Variants in SYN2 observed in about 807,000 individuals in gnomAD.
The protein encoded by SYN2 is synapsin-2.
In SYN2, 19 loss-of-function variants were observed where a neutral mutation model predicts 50.9. That is an observed-to-expected ratio of 0.37 (90% CI 0.26 to 0.55). SYN2 has a LOEUF of 0.55. Among genes scored for constraint, SYN2 ranks in the 20% least tolerant of loss-of-function variants. The pLI is 0.81. For missense variants in SYN2, 587 were observed against 576.4 expected (o/e 1.02, Z -0.19); for synonymous variants, 255 against 224.9 (o/e 1.13, Z -1.20).
At chr3:12,023,223 T>C (rs1189106457) in intron 1 of SYN2, among the ~76,000 whole-genome samples, 1 of 152,148 alleles carries the variant, frequency 6.6e-6, no homozygotes, top group Non-Finnish European at 1.5e-5. Flanking sequence ...ATCATTGTCA[T>C]CACCATCATG....
At chr3:12,149,187 A>G (rs1697221770) in intron 4 of SYN2, among the ~76,000 whole-genome samples, 1 of 152,044 alleles carries the variant, frequency 6.6e-6, no homozygotes. Flanking sequence ...TAACTCCCCC[A>G]CATGCTGGAA....
intron 5 of SYN2, among the ~76,000 whole-genome samples, chr3:12,155,483 C>A (rs558363208): frequency 7.9e-5 from 12 of 152,276 alleles, no homozygotes; most frequent in Middle Eastern, 3.4e-3. Flanking sequence ...TTGCCACTAT[C>A]CTGTGCAGAG....
chr3:12,182,086 A>G (rs1165798687), intron 10 of SYN2, among the ~76,000 whole-genome samples: 1 of 152,178 alleles, frequency 6.6e-6, no homozygotes, highest in South Asian at 2.1e-4. Flanking sequence ...AGTTCCGAGT[A>G]ATGAGGTTAA....
At chr3:12,162,490 A>T (rs56825463) in intron 7 of SYN2, among the ~76,000 whole-genome samples, 4,682 of 152,230 alleles carry the variant, frequency 0.031, 227 homozygotes, top group African/African-American at 0.1. Flanking sequence ...ATCTCTATGG[A>T]TTATTCTCAT....
intron 7 of SYN2, among the ~76,000 whole-genome samples, chr3:12,163,429 A>C (rs1574875873): frequency 2.9e-5 from 4 of 137,678 alleles, no homozygotes; most frequent in African/African-American, 2.8e-5. Context: ...CACTACTTAC[A>C]CTCCCCACCC....
intron 5 of SYN2, chr3:12,159,031 C>T (rs958822593): frequency 1.0e-4 from 71 of 709,320 alleles, no homozygotes; most frequent in Middle Eastern, 4.0e-4. Context: ...GAGGCTCTTC[C>T]GACCTGCATA....
At chr3:12,111,184 C>T (rs2125195276) in intron 1 of SYN2, among the ~76,000 whole-genome samples, 1 of 152,292 alleles carries the variant, frequency 6.6e-6, no homozygotes, top group East Asian at 1.9e-4. Context: ...GAATAAGTCT[C>T]ATGAGATCTG....
chr3:12,090,680 G>C (rs1042394850), intron 1 of SYN2, among the ~76,000 whole-genome samples: 1 of 152,182 alleles, frequency 6.6e-6, no homozygotes, highest in African/African-American at 2.4e-5. Flanking sequence ...AGGATAGCAG[G>C]TTATTCCTGG....
chr3:12,168,312 T>C, intron 8 of SYN2, 64 bp from the exon 9 acceptor site: 1 of 1,386,458 alleles, frequency 7.2e-7, no homozygotes, highest in Non-Finnish European at 1.0e-6. Context: ...AGAGCCTGAC[T>C]GGCAAGCAAG....
At chr3:12,142,113 A>T in intron 3 of SYN2, 117 bp downstream of exon 3, 1 of 647,214 alleles carries the variant, frequency 1.5e-6, no homozygotes, top group Middle Eastern at 3.9e-4. Context: ...TATGTATGGT[A>T]TACAGAATTT....
intron 1 of SYN2, among the ~76,000 whole-genome samples, chr3:12,119,733 A>C (rs552345960): frequency 6.6e-6 from 1 of 152,108 alleles, no homozygotes; most frequent in African/African-American, 2.4e-5. Context: ...TTTGGGATCT[A>C]TTTGGAAGCT....
chr3:12,158,064 T>C (rs1429260709), intron 5 of SYN2, among the ~76,000 whole-genome samples: 3 of 152,050 alleles, frequency 2.0e-5, no homozygotes, highest in Admixed American at 6.6e-5. Flanking sequence ...CCTGCCGAGC[T>C]CTTGATCTAG....
At chr3:12,148,736 T>G (rs1697210417) in intron 4 of SYN2, 1 of 152,216 alleles carries the variant, frequency 6.6e-6, no homozygotes, top group Non-Finnish European at 1.5e-5. Context: ...CAGAGTTAAA[T>G]TAAATCATTT....
intron 10 of SYN2, among the ~76,000 whole-genome samples, chr3:12,182,797 A>G (rs928978690): frequency 1.3e-5 from 2 of 152,356 alleles, no homozygotes; most frequent in East Asian, 3.9e-4. Context: ...GCTAGTCACT[A>G]GGTCCGGCTG....
intron 1 of SYN2, among the ~76,000 whole-genome samples, chr3:12,084,214 G>A (rs307570): frequency 2.0e-5 from 3 of 152,030 alleles, no homozygotes; most frequent in African/African-American, 7.3e-5. Flanking sequence ...TATGTCTTTT[G>A]ATATCACTCA....
At chr3:12,008,606 A>G (rs1039540315) in intron 1 of SYN2, among the ~76,000 whole-genome samples, 7 of 152,220 alleles carry the variant, frequency 4.6e-5, no homozygotes, top group Admixed American at 3.3e-4. Context: ...AGGATATGCC[A>G]TTAGTGCTAA....
intron 1 of SYN2, among the ~76,000 whole-genome samples, chr3:12,114,158 A>G (rs922172197): frequency 1.3e-5 from 2 of 151,048 alleles, no homozygotes; most frequent in African/African-American, 2.4e-5. Flanking sequence ...GTGTGAAGTG[A>G]TATCTCATTG....
intron 1 of SYN2, among the ~76,000 whole-genome samples, chr3:12,080,659 T>G (rs1455784360): frequency 6.6e-6 from 1 of 152,230 alleles, no homozygotes; most frequent in Non-Finnish European, 1.5e-5. Context: ...TGTGCTGTGG[T>G]CTGAGAGACT....
At chr3:12,159,425 G>A (rs1304594714) in intron 5 of SYN2, 1 of 152,722 alleles carries the variant, frequency 6.5e-6, no homozygotes, top group African/African-American at 2.4e-5. Context: ...CCCTATTTAT[G>A]AGGCTCCAAA....
Sources: gnomAD v4.1 joint callset for allele counts (sites outside exome capture counted in the v4.1 genomes callset) on GRCh38, gnomAD v4.1.1 for gene constraint, MANE v1.5 for transcripts, NCBI Gene and HGNC (gene_info 2026-07-23, HGNC 2026-07-21) for gene names.